Variants in VLDLR observed in about 807,000 individuals in gnomAD.
VLDLR encodes very low density lipoprotein receptor.
VLDLR carries 81 observed loss-of-function variants against 112.7 expected under a neutral mutation model. The observed-to-expected ratio is 0.72, with a 90% CI of 0.60 to 0.86. The LOEUF (loss-of-function observed/expected upper bound fraction) is 0.86, where lower values mean the gene tolerates loss of function less well. Ranked by LOEUF, VLDLR falls within the 40% of genes least tolerant of loss-of-function variation. The pLI, the probability that VLDLR is intolerant of heterozygous loss-of-function variation, is 0.00. For missense variants in VLDLR, 1,237 were observed against 1,099.4 expected (o/e 1.13, Z -1.77); for synonymous variants, 436 against 384.8 (o/e 1.13, Z -1.56).
rs771246266 is a variant in VLDLR, at chr9:2,643,858, G to A, written c.965G>A (p.Gly322Glu). ...CKNVNQCLGP[G>E]KFKCRSGECI... ...GTAGTCAATCAGTGCTTGGGCCCTG[G>A]AAAATTCAAGTGCAGAAGTGGAGAA... Residue 322 changes from glycine to glutamate, a missense_variant, in exon 7 of 19, where the codon GGA becomes GAA. By Grantham distance (98) the Gly-to-Glu change is moderately conservative (BLOSUM62 -2). Coordinates refer to ENST00000382100, the MANE Select transcript of VLDLR (RefSeq NM_003383.5). 5 of 1,614,164 alleles carry A rather than the reference G, an allele frequency of 3.1e-6. No individual in the cohort carries two copies. Among genetic ancestry groups the A allele is most frequent in the South Asian group, 1.1e-5 (1 of 91,080 alleles).
At position 2,656,302 on chromosome 9, in the gene VLDLR, T is replaced by G. The variant is rs1586665555; in HGVS notation, c.*2434T>G. 1 of 152,172 alleles carries G rather than the reference T, an allele frequency of 6.6e-6. No individual in the cohort carries two copies. The highest frequency in any genetic ancestry group is 1.9e-4 in the East Asian group (1 of 5,172). The allele number at this position is 152,172 out of a possible 1,614,324, so 9.4% of individuals were successfully genotyped here. A position where few individuals can be genotyped will look rare whatever the true frequency, so the allele number is the denominator to read the frequency against. ...ATATTCCTATTGAAATAAGAATAGA[T>G]ATATTGGTGGGCCAGGCATGGTGGC... On this transcript the variant is annotated 3_prime_UTR_variant, in exon 19 of 19. Coordinates refer to ENST00000382100, the MANE Select transcript of VLDLR (RefSeq NM_003383.5).
chr9:2,637,464 G>A (rs1817640129), intron 2 of VLDLR, among the ~76,000 whole-genome samples: 1 of 152,066 alleles, frequency 6.6e-6, no homozygotes, highest in Admixed American at 6.5e-5. Flanking sequence ...TTCCTCTGTA[G>A]CACATCTAAA....
chr9:2,640,072 T>C lies in VLDLR; in HGVS notation c.325+91T>C. 3.1e-6 allele frequency: 5 copies of C among 1,606,076 alleles called. No homozygotes were observed. In the Admixed American group the frequency reaches 8.3e-5, roughly 27 times the overall value. ...TGCTTAATCTCCTACTTGGTATTCA[T>C]TTTTCTTTGCCTGCCTTAAAGTTTA... On this transcript the variant is annotated intron_variant, in intron 3 of 18. Transcript: ENST00000382100.
chr9:2,637,788 A>T (rs1401361685), intron 2 of VLDLR, among the ~76,000 whole-genome samples: 1 of 152,050 alleles, frequency 6.6e-6, no homozygotes, highest in Non-Finnish European at 1.5e-5. Context: ...AAAAATACAA[A>T]AAAATTTAGC....
At chr9:2,632,083 G>C (rs1288724636) in intron 1 of VLDLR, among the ~76,000 whole-genome samples, 1 of 152,182 alleles carries the variant, frequency 6.6e-6, no homozygotes, top group Non-Finnish European at 1.5e-5. Context: ...GCACATAAGT[G>C]AGTAGGTACA....
intron 2 of VLDLR, among the ~76,000 whole-genome samples, chr9:2,638,623 T>C (rs1053131050): frequency 6.6e-6 from 1 of 152,196 alleles, no homozygotes; most frequent in Non-Finnish European, 1.5e-5. Context: ...GGTAGGATAA[T>C]CAAGCTGCCC....
At chr9:2,626,115 G>A (rs984521826) in intron 1 of VLDLR, among the ~76,000 whole-genome samples, 1 of 152,356 alleles carries the variant, frequency 6.6e-6, no homozygotes, top group South Asian at 2.1e-4. Context: ...CACAGGTTAA[G>A]TGTCCTTTAT....
chr9:2,621,819 C>CT lies in VLDLR; in HGVS notation c.-370dup. On this transcript the variant is annotated 5_prime_UTR_variant, in exon 1 of 19. Coordinates refer to ENST00000382100, the MANE Select transcript of VLDLR (RefSeq NM_003383.5). ...TCTCCGGCCGCCGCCGGTGCGGGTG[C>CT]TCCGCTACCGGCTCCTCTCCGTTCT... is the stretch of plus-strand genomic sequence containing the variant. 1 of 484,170 alleles carries CT rather than the reference C, an allele frequency of 2.1e-6. No homozygotes were observed. The highest frequency in any genetic ancestry group is 4.0e-6 in the Non-Finnish European group (1 of 252,632). 30.0% of individuals were successfully genotyped at this position (484,170 alleles called of 1,614,324 possible). A position where few individuals can be genotyped will look rare whatever the true frequency, so the allele number is the denominator to read the frequency against.
intron 1 of VLDLR, chr9:2,622,485 C>T (rs1816855877): frequency 4.4e-6 from 2 of 455,774 alleles, no homozygotes; most frequent in Non-Finnish European, 7.5e-6. Flanking sequence ...TTCGGGGTGC[C>T]CCGACGCCTC....
At chr9:2,629,597 G>GTGAA (rs1817245160) in intron 1 of VLDLR, among the ~76,000 whole-genome samples, 1 of 152,232 alleles carries the variant, frequency 6.6e-6, no homozygotes, top group South Asian at 2.1e-4. Flanking sequence ...GCTAAGAGAT[G>GTGAA]TGAAGTCTTA....
chr9:2,643,373 A>T lies in VLDLR; in HGVS notation c.662A>T (p.Gln221Leu). The change falls in exon 5 of 19, where the codon CAA becomes CTA. Residue 221 changes from glutamine to leucine, a missense_variant. Transcript: ENST00000382100. The part of the protein sequence containing the change: ...VCDDDADCSD[Q>L]SDESLEQCGR... Reference sequence around the variant, plus strand: ...GACGATGATGCAGACTGCTCCGACCAATCTGATGAGTCCCTGGAGCAGTGT... The same window carrying T: ...GACGATGATGCAGACTGCTCCGACCTATCTGATGAGTCCCTGGAGCAGTGT... 1 of 1,614,092 alleles carries T rather than the reference A, an allele frequency of 6.2e-7. No homozygotes were observed.
chr9:2,653,599 G>C (rs1234476139), intron 18 of VLDLR, among the ~76,000 whole-genome samples: 1 of 152,204 alleles, frequency 6.6e-6, no homozygotes, highest in Non-Finnish European at 1.5e-5. Context: ...TGATCATTAA[G>C]TAGAAAAGAC....
Position 2,648,798 on chromosome 9 carries a change from G to C in VLDLR, c.2092G>C (p.Val698Leu), listed in dbSNP as rs1023328598. Reference sequence around the variant, plus strand: ...AGACATCATTGTCTATCATGAACTTGTACAGCCATCAGGTACCGTGGAGAA... The same window carrying C: ...AGACATCATTGTCTATCATGAACTTCTACAGCCATCAGGTACCGTGGAGAA... Reference protein sequence around the residue: ...AQDIIVYHELVQPSGKNWCEE... With the variant: ...AQDIIVYHELLQPSGKNWCEE... The change falls in exon 14 of 19, where the codon GTA (valine) becomes CTA (leucine). Residue 698 changes from valine to leucine, a missense_variant. Val to Leu is a conservative substitution (Grantham distance 32). Transcript: ENST00000382100. 1.9e-6 allele frequency: 3 copies of C among 1,613,982 alleles called. No homozygotes were observed. Among genetic ancestry groups the C allele is most frequent in the Non-Finnish European group, 2.5e-6 (3 of 1,180,020 alleles).
At chr9:2,635,719 G>C in intron 2 of VLDLR, 147 bp downstream of exon 2, 1 of 1,291,174 alleles carries the variant, frequency 7.7e-7, no homozygotes, top group Non-Finnish European at 1.1e-6. Flanking sequence ...GAATAAAATT[G>C]AATGTTTGAC....
chr9:2,621,991 G>T lies in VLDLR; in HGVS notation c.-199G>T, dbSNP rs1467134134. 8 of 651,740 alleles carry T rather than the reference G, an allele frequency of 1.2e-5. No homozygotes were observed. Among genetic ancestry groups the T allele is most frequent in the South Asian group, 6.7e-5 (4 of 60,126 alleles). 40.4% of individuals were successfully genotyped at this position (651,740 alleles called of 1,614,324 possible). On this transcript the variant is annotated 5_prime_UTR_variant, in exon 1 of 19. Coordinates refer to ENST00000382100, the MANE Select transcript of VLDLR (RefSeq NM_003383.5). ...GCCCGGGGAGGTGGCTGGGTGGGTG[G>T]GGAGGAGACTGTGCAAGTTGTAGGG...
At position 2,658,613 on chromosome 9, in the gene VLDLR, C is replaced by CG. The variant is rs1475951514; in HGVS notation, c.*4745_*4746insG. The CG allele has an allele frequency of 2.6e-5, 4 of 152,180 alleles. No individual in the cohort carries two copies. The highest frequency in any genetic ancestry group is 9.7e-5 in the African/African-American group (4 of 41,444). 9.4% of individuals were successfully genotyped at this position (152,180 alleles called of 1,614,324 possible). A position where few individuals can be genotyped will look rare whatever the true frequency, so the allele number is the denominator to read the frequency against. ...TGTGGTACCTTGGGCAAGTTACTAA[C>CG]TCCCTCTGTAAAGTAGAGACGATGG... is the stretch of plus-strand genomic sequence containing the variant. On this transcript the variant is annotated 3_prime_UTR_variant, in exon 19 of 19. Transcript: ENST00000382100.
At chr9:2,648,169 A>G (rs758797487) in intron 12 of VLDLR, 39 bp from the exon 13 acceptor site, 2 of 1,611,794 alleles carry the variant, frequency 1.2e-6, no homozygotes, top group Non-Finnish European at 1.7e-6. Context: ...CCAGAGTAGT[A>G]GTGGCTTGTC....
chr9:2,652,046 C>T, intron 17 of VLDLR, 92 bp downstream of exon 17: 1 of 1,157,744 alleles, frequency 8.6e-7, no homozygotes, highest in Non-Finnish European at 1.3e-6. Context: ...TTTCATGGGC[C>T]TTTATGCTGT....
chr9:2,652,656 C>G (rs781501366), intron 17 of VLDLR, 124 bp from the exon 18 acceptor site: 201 of 1,318,342 alleles, frequency 1.5e-4, no homozygotes, highest in Non-Finnish European at 2.0e-4. Flanking sequence ...TCTAGTTATC[C>G]TAGCTCCATA....
Sources: allele counts gnomAD v4.1 joint callset (sites outside exome capture counted in the v4.1 genomes callset), GRCh38; gene constraint gnomAD v4.1.1; transcripts MANE v1.5; gene names NCBI Gene and HGNC (gene_info 2026-07-23, HGNC 2026-07-21).